Variants in COL20A1 observed in about 807,000 individuals in gnomAD.
COL20A1 encodes collagen alpha-1(XX) chain.
COL20A1 carries 164 observed loss-of-function variants against 152.9 expected under a neutral mutation model. The ratio of observed to expected loss-of-function variants is 1.07; its 90% CI spans 0.94 to 1.22. The LOEUF (loss-of-function observed/expected upper bound fraction) is 1.22, where lower values mean the gene tolerates loss of function less well. Among genes scored for constraint, COL20A1 ranks in the 50% most tolerant of loss-of-function variants. The pLI is 0.00. For missense variants in COL20A1, 1,873 were observed against 1,744.8 expected (o/e 1.07, Z -1.31); for synonymous variants, 864 against 756.0 (o/e 1.14, Z -2.34).
intron 19 of COL20A1, among the ~76,000 whole-genome samples, chr20:63,314,615 G>T (rs1233270970): frequency 6.6e-6 from 1 of 152,146 alleles, no homozygotes; most frequent in Non-Finnish European, 1.5e-5. Context: ...GGTCCTCACT[G>T]CCTGGACAGC....
At position 63,305,600 on chromosome 20, in the gene COL20A1, G is replaced by T; in HGVS notation, c.337+40G>T. 6.4e-7 allele frequency: 1 copy of T among 1,551,516 alleles called. No individual in the cohort carries two copies. The highest frequency in any genetic ancestry group is 8.7e-7 in the Non-Finnish European group (1 of 1,150,982). On this transcript the variant is annotated intron_variant, in intron 4 of 35. Coordinates refer to ENST00000358894, the MANE Select transcript of COL20A1 (RefSeq NM_020882.4). This position sits in a 1 kb window ranked among gnomAD's most constrained non-coding sequence, Gnocchi z 4.9. ...TGCCAGCTGGGTACCCACTCCTCCA[G>T]GCCGGGTCCCACCCTCCTCTGGGCT...
intron 3 of COL20A1, among the ~76,000 whole-genome samples, chr20:63,299,770 G>A (rs1013393554): frequency 1.3e-5 from 2 of 151,812 alleles, no homozygotes; most frequent in African/African-American, 4.8e-5. Context: ...TTTGATTAAT[G>A]TAGTAAACTA....
intron 27 of COL20A1, among the ~76,000 whole-genome samples, chr20:63,323,474 C>T (rs1331054398): frequency 1.3e-5 from 2 of 152,210 alleles, no homozygotes; most frequent in East Asian, 3.8e-4. Flanking sequence ...CTGGTGCTTC[C>T]AGGCACTTTT....
chr20:63,311,656 A>T lies in COL20A1; in HGVS notation c.1571A>T (p.Asp524Val). ...VQVGRPEVLL[D>V]GLEPGRDYEV... ...GTCGGGCGGCCCGAGGTGCTGCTGG[A>T]TGGCCTGGAACCTGGCAGGGACTAT... The change falls in exon 13 of 36, where the codon GAT (aspartate) becomes GTT (valine). Residue 524 changes from aspartate (D) to valine (V), a missense_variant. By Grantham distance (152) the Asp-to-Val change is radical. Transcript: ENST00000358894. This position sits in a 1 kb window ranked among gnomAD's most constrained non-coding sequence, Gnocchi z 4.4. The T allele has an allele frequency of 6.2e-7, 1 of 1,608,654 alleles. No homozygotes were observed. The highest frequency in any genetic ancestry group is 1.1e-5 in the South Asian group (1 of 90,836).
chr20:63,328,105 C>T lies in COL20A1; in HGVS notation c.3591C>T (p.Leu1197=). The change falls in exon 33 of 36, where the codon CTC becomes CTT. Residue 1197 remains leucine (L), a synonymous_variant. Coordinates refer to ENST00000358894, the MANE Select transcript of COL20A1 (RefSeq NM_020882.4). The part of the protein sequence containing the change: ...EKGEPQSLAT[L]YQLVSQASHV... The stretch of plus-strand genomic sequence containing the variant: ...GCGAGCCGCAGTCCCTTGCCACCCT[C>T]TACCAGCTTGTGAGCCAGGCCTGTG... The T allele has an allele frequency of 6.2e-7, 1 of 1,613,334 alleles. No individual in the cohort carries two copies. The highest frequency in any genetic ancestry group is 8.5e-7 in the Non-Finnish European group (1 of 1,179,844).
chr20:63,315,882 C>A (rs960575823), intron 20 of COL20A1, among the ~76,000 whole-genome samples: 6 of 152,220 alleles, frequency 3.9e-5, no homozygotes. Context: ...CGGCCTCTGC[C>A]GCCTCCTGCC....
At chr20:63,329,770 G>A in intron 35 of COL20A1, 109 bp downstream of exon 35, 1 of 757,096 alleles carries the variant, frequency 1.3e-6, no homozygotes, top group Non-Finnish European at 2.1e-6. Context: ...GTGGGGTGCT[G>A]GGAGCACAAG....
Position 63,313,762 on chromosome 20 carries a change from A to G in COL20A1, c.2229A>G (p.Pro743=). ...RYTPSTVSRS[P]PSNLALASET... ...GGCCAGCCACGGTGAGCAGGAGCCC[A>G]CCCTCCAACCTGGCCCTGGCCTCGG... is the stretch of plus-strand genomic sequence containing the variant. The change falls in exon 18 of 36, where the codon CCA becomes CCG. Residue 743 remains proline, a synonymous_variant. Coordinates refer to ENST00000358894, the MANE Select transcript of COL20A1 (RefSeq NM_020882.4). The surrounding 1 kb of genome is among the most constrained non-coding windows in gnomAD (Gnocchi z 5.9). 6.3e-7 allele frequency: 1 copy of G among 1,599,946 alleles called. No homozygotes were observed. Among genetic ancestry groups the G allele is most frequent in the Middle Eastern group, 1.7e-4 (1 of 5,904 alleles).
rs201391388 is a variant in COL20A1, at chr20:63,312,537, C to G, written c.1921C>G (p.Arg641Gly). ...GGGTGGCTCCTCTACGCTGACTGGCCGGGTGACCACCAGTGAGTGGGGAGA... is the reference window on the plus strand; with the variant it reads ...GGGTGGCTCCTCTACGCTGACTGGCGGGGTGACCACCAGTGAGTGGGGAGA... ...PGGGSSTLTG[R>G]VTTKKAPSPS... is the part of the protein sequence containing the mutation. The change falls in exon 15 of 36, where the codon CGG becomes GGG. Residue 641 changes from arginine (R) to glycine (G), a missense_variant. Arg to Gly is a moderately radical substitution (Grantham distance 125, BLOSUM62 -2). Transcript: ENST00000358894. 6.3e-7 allele frequency: 1 copy of G among 1,587,738 alleles called. No homozygotes were observed. The highest frequency in any genetic ancestry group is 8.5e-7 in the Non-Finnish European group (1 of 1,170,738).
chr20:63,297,816 C>T (rs772595564), intron 2 of COL20A1, 94 bp from the exon 3 acceptor site: 3 of 960,374 alleles, frequency 3.1e-6, no homozygotes, highest in Non-Finnish European at 3.2e-6. Context: ...TGTGTTCCTC[C>T]CAAATGCTGA....
At chr20:63,329,748 A>T (rs1404074706) in intron 35 of COL20A1, 87 bp downstream of exon 35, 1 of 952,792 alleles carries the variant, frequency 1.0e-6, no homozygotes, top group East Asian at 2.7e-5. Context: ...GTGGGGCCTC[A>T]TGCTGTCCAG....
chr20:63,313,701 C>G lies in COL20A1; in HGVS notation c.2210-42C>G. ...CCTCTGGCCACCGGGTGCCTCCTTT[C>G]TGGAGGGGCCTGAGCCCCACACAAC... On this transcript the variant is annotated intron_variant, in intron 17 of 35. Coordinates refer to ENST00000358894, the MANE Select transcript of COL20A1 (RefSeq NM_020882.4). The surrounding 1 kb of genome is among the most constrained non-coding windows in gnomAD (Gnocchi z 5.9). The G allele has an allele frequency of 6.6e-7, 1 of 1,513,802 alleles. No individual in the cohort carries two copies. Among genetic ancestry groups the G allele is most frequent in the Non-Finnish European group, 8.8e-7 (1 of 1,134,752 alleles). 93.8% of individuals were successfully genotyped at this position (1,513,802 alleles called of 1,614,324 possible). A position where few individuals can be genotyped will look rare whatever the true frequency, so the allele number is the denominator to read the frequency against.
chr20:63,325,309 C>A, intron 27 of COL20A1, 132 bp from the exon 28 acceptor site: 1 of 750,230 alleles, frequency 1.3e-6, no homozygotes, highest in Non-Finnish European at 2.4e-6. Context: ...CCAGAAGGTC[C>A]TGGAGGCCAG....
rs761804144 is a variant in COL20A1, at chr20:63,327,957, G to A, written c.3534G>A (p.Leu1178=). The change falls in exon 32 of 36, where the codon CTG becomes CTA. Residue 1178 remains leucine, a synonymous_variant. Transcript: ENST00000358894. ...TCTCTTCCCCTCCTCATCAGGGACT[G>A]CCAGGGCCCAAAGGGGAACGAGGAG... ...GPPGTVGPTG[L]PGPKGERGEK... is the part of the protein sequence containing the mutation. 6.2e-7 allele frequency: 1 copy of A among 1,601,730 alleles called. No individual in the cohort carries two copies. Among genetic ancestry groups the A allele is most frequent in the Non-Finnish European group, 8.5e-7 (1 of 1,173,792 alleles).
chr20:63,307,220 G>A (rs1173678683), intron 5 of COL20A1, among the ~76,000 whole-genome samples: 1 of 152,238 alleles, frequency 6.6e-6, no homozygotes, highest in East Asian at 1.9e-4. Flanking sequence ...GGGCTTCTGG[G>A]CCTGATGTCT....
rs2068354214 is a variant in COL20A1 at position 63,333,172 on chromosome 20, A to C, written c.*2456A>C. The C allele has an allele frequency of 6.6e-6, 1 of 152,208 alleles. No homozygotes were observed. Among genetic ancestry groups the C allele is most frequent in the Non-Finnish European group, 1.5e-5 (1 of 68,158 alleles). The allele number at this position is 152,208 out of a possible 1,614,324, so 9.4% of individuals were successfully genotyped here. ...GGGCCTCGGTCCCCTCTCCACCCCC[A>C]GAGGCAGCACAGCTTCAGCCCTACG... On this transcript the variant is annotated 3_prime_UTR_variant, in exon 36 of 36. Coordinates refer to ENST00000358894, the MANE Select transcript of COL20A1 (RefSeq NM_020882.4).
chr20:63,326,663 G>T (rs1475554917), intron 30 of COL20A1, 89 bp from the exon 31 acceptor site: 11 of 896,524 alleles, frequency 1.2e-5, no homozygotes, highest in Non-Finnish European at 1.6e-5. Context: ...TCAGGTCAGG[G>T]GGCCCCTGGG....
In COL20A1 at chr20:63,316,569, G is replaced by GAAAA; in HGVS notation, c.2541_2542insAAAA (p.Ala848LysfsTer43). 1.3e-6 allele frequency: 2 copies of GAAAA among 1,590,588 alleles called. No individual in the cohort carries two copies. The highest frequency in any genetic ancestry group is 1.7e-6 in the Non-Finnish European group (2 of 1,168,810). On this transcript the variant is annotated frameshift_variant, in exon 21 of 36. Transcript: ENST00000358894. LOFTEE classifies it high-confidence loss of function. ...CTTCCCCAGGGTTTGACCTGATGGT[G>GAAAA]GCCTTCAGCCTGGTGGAAAAGGCTT... is the stretch of plus-strand genomic sequence containing the variant.
chr20:63,317,977 A>G (rs1179017948), intron 21 of COL20A1, among the ~76,000 whole-genome samples: 3 of 152,066 alleles, frequency 2.0e-5, no homozygotes, highest in Admixed American at 6.5e-5. Flanking sequence ...GGCAGCTTCA[A>G]GGCCTCCTGG....
Sources: allele counts gnomAD v4.1 joint callset (sites outside exome capture counted in the v4.1 genomes callset), GRCh38; gene constraint gnomAD v4.1.1; non-coding constraint Gnocchi (gnomAD v3.1); transcripts MANE v1.5; gene names NCBI Gene and HGNC (gene_info 2026-07-23, HGNC 2026-07-21).